XKR6: variants seen among roughly 807,000 people sequenced by gnomAD.
The protein encoded by XKR6 is XK related 6.
In XKR6, 22 loss-of-function variants were observed where a neutral mutation model predicts 56.7. The ratio of observed to expected loss-of-function variants is 0.39; its 90% CI spans 0.28 to 0.55. The LOEUF is 0.55. Among genes scored for constraint, XKR6 ranks in the 20% least tolerant of loss-of-function variants. The pLI, the probability that XKR6 is intolerant of heterozygous loss-of-function variation, is 0.66. For synonymous variants in XKR6, 524 were observed against 387.8 expected (o/e 1.35, Z -4.13); for missense variants, 852 against 889.0 (o/e 0.96, Z 0.53).
chr8:11,008,803 T>A lies in XKR6; in HGVS notation c.765-83973A>T, dbSNP rs796873406. On this transcript the variant is annotated intron_variant, in intron 1 of 2. Transcript: ENST00000416569. ...TGATGGAGCCACGGTCAAGCGCTCA[T>A]ATCACTGAATGCCATTGGTTGCAGG... Among the ~76,000 whole-genome samples the A allele has an allele frequency of 4.8e-4, 73 of 152,126 alleles. 1 individual carries two copies. Among genetic ancestry groups the A allele is most frequent in the African/African-American group, 1.7e-3 (72 of 41,520 alleles).
chr8:11,116,438 T>C (rs542846654), intron 1 of XKR6, among the ~76,000 whole-genome samples: 1 of 152,280 alleles, frequency 6.6e-6, no homozygotes, highest in East Asian at 1.9e-4. Flanking sequence ...TGACACAATC[T>C]TGGCTCACTG....
At chr8:11,136,460 C>T (rs1315444722) in intron 1 of XKR6, among the ~76,000 whole-genome samples, 5 of 150,092 alleles carry the variant, frequency 3.3e-5, no homozygotes, top group African/African-American at 7.4e-5. Flanking sequence ...GCCAAGATTG[C>T]GCCATTGCAC....
Position 11,200,429 on chromosome 8 carries a change from T to G in XKR6, c.764+147A>C. On this transcript the variant is annotated intron_variant, in intron 1 of 2. Coordinates refer to ENST00000416569, the MANE Select transcript of XKR6 (RefSeq NM_173683.4). The surrounding 1 kb of genome is among the most constrained non-coding windows in gnomAD (Gnocchi z 6.4). ...CAGGGATCCAGATCAAACGCCGGTCTTTTGGAGACGCCAGGGGCGGCGCGC... is the reference window on the plus strand; with the variant it reads ...CAGGGATCCAGATCAAACGCCGGTCGTTTGGAGACGCCAGGGGCGGCGCGC... 8.9e-7 allele frequency: 1 copy of G among 1,123,704 alleles called. No individual in the cohort carries two copies. Among genetic ancestry groups the G allele is most frequent in the Non-Finnish European group, 1.2e-6 (1 of 862,100 alleles). 69.6% of individuals were successfully genotyped at this position (1,123,704 alleles called of 1,614,324 possible).
At chr8:11,169,549 A>C (rs1802258144) in intron 1 of XKR6, among the ~76,000 whole-genome samples, 1 of 152,242 alleles carries the variant, frequency 6.6e-6, no homozygotes, top group East Asian at 1.9e-4. Context: ...GACAAATATC[A>C]TACAATTCCA....
intron 1 of XKR6, among the ~76,000 whole-genome samples, chr8:10,962,869 C>T (rs543941628): frequency 9.9e-5 from 15 of 152,260 alleles, no homozygotes; most frequent in African/African-American, 3.4e-4. Context: ...GTAATCCACC[C>T]GCCTCGGCCT....
At chr8:11,152,184 G>T (rs1240834432) in intron 1 of XKR6, among the ~76,000 whole-genome samples, 1 of 152,178 alleles carries the variant, frequency 6.6e-6, no homozygotes, top group Non-Finnish European at 1.5e-5. Context: ...GGGCCTGAAT[G>T]CTAAGGACAT....
chr8:11,134,297 G>A (rs1456249349), intron 1 of XKR6, among the ~76,000 whole-genome samples: 1 of 152,092 alleles, frequency 6.6e-6, no homozygotes, highest in Non-Finnish European at 1.5e-5. Flanking sequence ...CTATCCCAAT[G>A]CCTTAAGGGC....
chr8:11,117,382 T>C (rs1237642253), intron 1 of XKR6, among the ~76,000 whole-genome samples: 1 of 152,158 alleles, frequency 6.6e-6, no homozygotes, highest in African/African-American at 2.4e-5. Flanking sequence ...CAACTTCACA[T>C]ATGCAGCTTG....
intron 1 of XKR6, among the ~76,000 whole-genome samples, chr8:10,994,485 C>A (rs1389309397): frequency 6.6e-6 from 1 of 152,164 alleles, no homozygotes; most frequent in Non-Finnish European, 1.5e-5. Flanking sequence ...AGAGGAAGGG[C>A]AGAGGTGGGC....
intron 1 of XKR6, among the ~76,000 whole-genome samples, chr8:10,989,452 G>A (rs566213378): frequency 6.6e-6 from 1 of 152,106 alleles, no homozygotes; most frequent in African/African-American, 2.4e-5. Flanking sequence ...TCTACGTTAC[G>A]TTTAATTTAA....
chr8:10,938,125 C>A (rs1801281008), intron 1 of XKR6, among the ~76,000 whole-genome samples: 1 of 152,222 alleles, frequency 6.6e-6, no homozygotes. Context: ...TTAAGCCGGT[C>A]TGAAAAGCGC....
In XKR6 at chr8:10,898,462, A is replaced by G. The variant is rs1340011655; in HGVS notation, c.1416T>C (p.Tyr472=). 1 of 1,614,058 alleles carries G rather than the reference A, an allele frequency of 6.2e-7. No homozygotes were observed. The highest frequency in any genetic ancestry group is 8.5e-7 in the Non-Finnish European group (1 of 1,180,022). The stretch of plus-strand genomic sequence containing the variant: ...AGACACAACACAGTGCTGGCACCGC[A>G]TAGGAGTCAGTGGTCTCCGGGTCTC... ...FYRDPETTDS[Y]AVPALCCVFI... Residue 472 remains tyrosine, a synonymous_variant, in exon 3 of 3, where the codon TAT becomes TAC. Coordinates refer to ENST00000416569, the MANE Select transcript of XKR6 (RefSeq NM_173683.4). The surrounding 1 kb of genome is among the most constrained non-coding windows in gnomAD (Gnocchi z 6.6).
intron 1 of XKR6, among the ~76,000 whole-genome samples, chr8:11,059,904 A>C (rs2129163209): frequency 6.6e-6 from 1 of 152,288 alleles, no homozygotes; most frequent in South Asian, 2.1e-4. Flanking sequence ...AGTGTCCCTG[A>C]AGGTGACAGG....
At chr8:11,075,732 G>T (rs921697756) in intron 1 of XKR6, among the ~76,000 whole-genome samples, 1 of 152,136 alleles carries the variant, frequency 6.6e-6, no homozygotes, top group Admixed American at 6.6e-5. Context: ...AATTAGCTGG[G>T]TGTGGTGGTG....
chr8:10,907,340 C>CT (rs938130721), intron 2 of XKR6, among the ~76,000 whole-genome samples: 64 of 151,934 alleles, frequency 4.2e-4, no homozygotes, highest in African/African-American at 8.9e-4. Context: ...TGAAAGATCT[C>CT]TTTTTTTTGC....
chr8:11,132,762 C>T (rs549629851), intron 1 of XKR6, among the ~76,000 whole-genome samples: 126 of 115,994 alleles, frequency 1.1e-3, no homozygotes, highest in Non-Finnish European at 7.9e-4. Context: ...TACACACACA[C>T]GCACGCACAC....
chr8:11,050,683 T>G (rs999053400), intron 1 of XKR6, among the ~76,000 whole-genome samples: 10 of 152,128 alleles, frequency 6.6e-5, no homozygotes, highest in African/African-American at 1.2e-4. Context: ...TATTTTTCTT[T>G]CAAAGAGAAG....
chr8:10,992,054 C>T (rs1345692837), intron 1 of XKR6, among the ~76,000 whole-genome samples: 1 of 152,196 alleles, frequency 6.6e-6, no homozygotes, highest in African/African-American at 2.4e-5. Context: ...CAGACCTGGC[C>T]GTGAGTCCTG....
intron 1 of XKR6, among the ~76,000 whole-genome samples, chr8:11,077,529 G>C (rs1205620227): frequency 6.6e-6 from 1 of 152,190 alleles, no homozygotes; most frequent in Non-Finnish European, 1.5e-5. Context: ...TGGTGGCTCA[G>C]GGTCAGGCAA....
Sources: allele counts gnomAD v4.1 joint callset (sites outside exome capture counted in the v4.1 genomes callset), GRCh38; gene constraint gnomAD v4.1.1; non-coding constraint Gnocchi (gnomAD v3.1); transcripts MANE v1.5; gene names NCBI Gene and HGNC (gene_info 2026-07-23, HGNC 2026-07-21).